Variants in FCHSD2 observed in about 807,000 individuals in gnomAD.
FCHSD2 encodes F-BAR and double SH3 domains protein 2.
A neutral mutation model predicts 108.1 loss-of-function variants in FCHSD2; 38 were observed. That is an observed-to-expected ratio of 0.35 (90% confidence interval 0.27 to 0.46). The LOEUF (loss-of-function observed/expected upper bound fraction) is 0.46. Among genes scored for constraint, FCHSD2 ranks in the 20% least tolerant of loss-of-function variants. FCHSD2 has a pLI of 1.00. For missense variants in FCHSD2, 751 were observed against 897.8 expected (o/e 0.84, Z 2.09); for synonymous variants, 279 against 314.7 (o/e 0.89, Z 1.20).
intron 3 of FCHSD2, among the ~76,000 whole-genome samples, chr11:73,040,782 T>C (rs1282479783): frequency 3.9e-5 from 6 of 152,228 alleles, no homozygotes; most frequent in Non-Finnish European, 8.8e-5. Flanking sequence ...TGTTGTTGAT[T>C]ACACTAATCC....
chr11:72,961,757 A>G (rs569197266), intron 8 of FCHSD2, among the ~76,000 whole-genome samples: 4 of 152,262 alleles, frequency 2.6e-5, no homozygotes, highest in Non-Finnish European at 5.9e-5. Flanking sequence ...ACATGTCAAG[A>G]GAATCATCAA....
chr11:73,076,776 T>C (rs946122435), intron 3 of FCHSD2, among the ~76,000 whole-genome samples: 5 of 152,176 alleles, frequency 3.3e-5, no homozygotes, highest in African/African-American at 9.7e-5. Flanking sequence ...AATTTTGTAA[T>C]GTATTGATAC....
intron 8 of FCHSD2, among the ~76,000 whole-genome samples, chr11:72,961,560 AT>A (rs1856820084): frequency 6.6e-6 from 1 of 152,112 alleles, no homozygotes; most frequent in Non-Finnish European, 1.5e-5. Flanking sequence ...CTGGCCTACT[AT>A]TGTTTTAAAT....
intron 3 of FCHSD2, among the ~76,000 whole-genome samples, chr11:73,075,742 G>A (rs1484032376): frequency 6.6e-6 from 1 of 151,882 alleles, no homozygotes; most frequent in East Asian, 1.9e-4. Flanking sequence ...TTGAACCCAG[G>A]GGGCAGAGTT....
intron 3 of FCHSD2, among the ~76,000 whole-genome samples, chr11:73,055,241 C>T (rs181421003): frequency 3.2e-4 from 48 of 151,932 alleles, no homozygotes; most frequent in Admixed American, 2.7e-3. Flanking sequence ...ATTATGGGAG[C>T]TACAATTCAA....
intron 8 of FCHSD2, among the ~76,000 whole-genome samples, chr11:72,927,300 C>T (rs962765031): frequency 1.3e-5 from 2 of 152,182 alleles, no homozygotes; most frequent in African/African-American, 4.8e-5. Context: ...CTGTATGATA[C>T]TACAATGGTG....
chr11:72,852,680 T>C (rs967819028), intron 13 of FCHSD2, among the ~76,000 whole-genome samples: 1 of 150,948 alleles, frequency 6.6e-6, no homozygotes, highest in Non-Finnish European at 1.5e-5. Flanking sequence ...AAAAGACACA[T>C]GCACACATGC....
At chr11:72,858,439 A>G (rs1861482847) in intron 13 of FCHSD2, among the ~76,000 whole-genome samples, 1 of 152,264 alleles carries the variant, frequency 6.6e-6, no homozygotes, top group Non-Finnish European at 1.5e-5. Context: ...ATGCAGCCAT[A>G]AAGAAGAATG....
At chr11:72,867,307 G>C (rs961561278) in intron 13 of FCHSD2, among the ~76,000 whole-genome samples, 2 of 152,176 alleles carry the variant, frequency 1.3e-5, no homozygotes, top group Non-Finnish European at 2.9e-5. Flanking sequence ...TGACATCAGA[G>C]TAGAAAAAGC....
chr11:72,902,710 AT>A, intron 9 of FCHSD2, 72 bp from the exon 10 acceptor site: 1 of 891,602 alleles, frequency 1.1e-6, no homozygotes, highest in Non-Finnish European at 1.7e-6. Context: ...AAAGTTTAAG[AT>A]TTATTCTGCT....
intron 8 of FCHSD2, among the ~76,000 whole-genome samples, chr11:72,972,190 C>T (rs1336824415): frequency 6.6e-6 from 1 of 152,150 alleles, no homozygotes. Flanking sequence ...CAGCCCAAGA[C>T]ATTAAATTAA....
At chr11:72,949,628 T>C (rs952405391) in intron 8 of FCHSD2, among the ~76,000 whole-genome samples, 3 of 152,226 alleles carry the variant, frequency 2.0e-5, no homozygotes, top group South Asian at 2.1e-4. Flanking sequence ...TCATACAATA[T>C]ATACGCTTTT....
chr11:73,004,650 T>A (rs1005878207), intron 4 of FCHSD2, among the ~76,000 whole-genome samples: 2 of 152,208 alleles, frequency 1.3e-5, no homozygotes, highest in African/African-American at 2.4e-5. Context: ...CTTTATAACC[T>A]ACAAGCTCCT....
At chr11:73,112,107 T>C (rs2135547146) in intron 2 of FCHSD2, among the ~76,000 whole-genome samples, 1 of 152,374 alleles carries the variant, frequency 6.6e-6, no homozygotes, top group East Asian at 1.9e-4. Context: ...AGATAATTTC[T>C]TATTGCCCAT....
chr11:72,839,927 G>C (rs1320123195), intron 19 of FCHSD2, among the ~76,000 whole-genome samples: 1 of 152,204 alleles, frequency 6.6e-6, no homozygotes, highest in East Asian at 1.9e-4. Flanking sequence ...TATCAGCAGA[G>C]ACAGGTGGCG....
At chr11:73,037,904 T>C (rs1432200191) in intron 3 of FCHSD2, among the ~76,000 whole-genome samples, 1 of 152,208 alleles carries the variant, frequency 6.6e-6, no homozygotes, top group Non-Finnish European at 1.5e-5. Flanking sequence ...TAACCTTTTA[T>C]ATCCAATCCC....
At chr11:72,945,933 T>A (rs1216953501) in intron 8 of FCHSD2, among the ~76,000 whole-genome samples, 1 of 152,182 alleles carries the variant, frequency 6.6e-6, no homozygotes, top group Non-Finnish European at 1.5e-5. Context: ...TAGGAACACT[T>A]TTACACTGTT....
chr11:73,032,291 C>G (rs746843587), intron 3 of FCHSD2, among the ~76,000 whole-genome samples: 4 of 152,096 alleles, frequency 2.6e-5, no homozygotes, highest in Admixed American at 6.6e-5. Flanking sequence ...TACAACAGCA[C>G]AATCATTGTT....
At chr11:73,071,535 C>A (rs11235647) in intron 3 of FCHSD2, among the ~76,000 whole-genome samples, 33,374 of 130,762 alleles carry the variant, frequency 0.26, 4,397 homozygotes, top group Middle Eastern at 0.4. Flanking sequence ...ACTAAAAATA[C>A]AAAAAAAAAA....
Sources: gnomAD v4.1 joint callset for allele counts (sites outside exome capture counted in the v4.1 genomes callset) on GRCh38, gnomAD v4.1.1 for gene constraint, MANE v1.5 for transcripts, NCBI Gene and HGNC (gene_info 2026-07-23, HGNC 2026-07-21) for gene names.